RPS3: variants seen among roughly 807,000 people sequenced by gnomAD.
RPS3 encodes small ribosomal subunit protein uS3.
Under a neutral mutation model 25.8 loss-of-function variants are expected in RPS3, and 2 were observed. The ratio of observed to expected loss-of-function variants is 0.08; its 90% CI spans 0.03 to 0.24. The LOEUF is 0.24. Among genes scored for constraint, RPS3 ranks in the 10% least tolerant of loss-of-function variants. The pLI, the probability that RPS3 is intolerant of heterozygous loss-of-function variation, is 1.00. For synonymous variants in RPS3, 114 were observed against 114.2 expected (o/e 1.00, Z 0.01); for missense variants, 107 against 307.1 (o/e 0.35, Z 4.87).
Position 75,415,737 on chromosome 11 carries a change from C to T in RPS3, c.*4-5990C>T, listed in dbSNP as rs570761513. Among the ~76,000 whole-genome samples, 85 of 147,332 alleles carry T rather than the reference C, an allele frequency of 5.8e-4. 1 individual carries two copies. The East Asian group carries it at 5.8e-3, about 10-fold the overall frequency. On this transcript the variant is annotated intron_variant, in intron 6 of 6. Transcript: ENST00000527446. ...GGGAAAATCTCTTGAACCTGGGAGG[C>T]AGAGGTTGCGGTGAGCCGATATCGT... is the stretch of plus-strand genomic sequence containing the variant.
Position 75,404,918 on chromosome 11 carries a change from A to C in RPS3, c.*3+50A>C. 1 of 1,272,796 alleles carries C rather than the reference A, an allele frequency of 7.9e-7. No individual in the cohort carries two copies. Among genetic ancestry groups the C allele is most frequent in the Non-Finnish European group, 1.1e-6 (1 of 920,674 alleles). The allele number at this position is 1,272,796 out of a possible 1,614,324, so 78.8% of individuals were successfully genotyped here. On this transcript the variant is annotated intron_variant, in intron 6 of 6. Coordinates refer to ENST00000531188, the MANE Select transcript of RPS3 (RefSeq NM_001005.5). This position sits in a 1 kb window ranked among gnomAD's most constrained non-coding sequence, Gnocchi z 4.6. ...CTTGGGGCATAATAGGGTCCTTCCG[A>C]GTCTTTCTGTTAATACTTGTATCCC...
Position 75,400,167 on chromosome 11 carries a change from C to A in RPS3, c.31-527C>A, listed in dbSNP as rs529439726. ...GATGTCAAAATTAAATCCACAACTT[C>A]TCGAGAGTTAGGATTTGCCAGCTCT... On this transcript the variant is annotated intron_variant, in intron 1 of 6. Coordinates refer to ENST00000531188, the MANE Select transcript of RPS3 (RefSeq NM_001005.5). Among the ~76,000 whole-genome samples, 44 of 152,322 alleles carry A rather than the reference C, an allele frequency of 2.9e-4. No individual in the cohort carries two copies. The South Asian group carries it at 8.7e-3, about 30-fold the overall frequency.
rs781630287 is a variant in RPS3, at chr11:75,404,540, C to T, written c.539-132C>T. ...TGGCAGAAGTGTCCTATTTATTGATCGATTTAGAGGCATTTGTCTGAGAAG... is the reference window on the plus strand; with the variant it reads ...TGGCAGAAGTGTCCTATTTATTGATTGATTTAGAGGCATTTGTCTGAGAAG... On this transcript the variant is annotated intron_variant, in intron 5 of 6. Transcript: ENST00000531188. The surrounding 1 kb of genome is among the most constrained non-coding windows in gnomAD (Gnocchi z 4.6). 15 of 892,134 alleles carry T rather than the reference C, an allele frequency of 1.7e-5. No homozygotes were observed. Among genetic ancestry groups the T allele is most frequent in the Middle Eastern group, 2.1e-4 (1 of 4,704 alleles). 55.3% of individuals were successfully genotyped at this position (892,134 alleles called of 1,614,324 possible).
At chr11:75,415,181 G>A (rs1038018893) in intron 6 of RPS3, among the ~76,000 whole-genome samples, 2 of 152,224 alleles carry the variant, frequency 1.3e-5, no homozygotes, top group African/African-American at 4.8e-5. Flanking sequence ...GAGATGCGGG[G>A]AGAAGCTGAG....
rs1253693028 is a variant in RPS3, at chr11:75,404,401, GT to G, written c.538+198del. 1 of 789,402 alleles carries G rather than the reference GT, an allele frequency of 1.3e-6. No homozygotes were observed. 48.9% of individuals were successfully genotyped at this position (789,402 alleles called of 1,614,324 possible). ...CAGATCCAAGAGTTGGTTTGTCCTT[GT>G]TTTAGCCATCTGTGTACCCTTCAGT... On this transcript the variant is annotated intron_variant, in intron 5 of 6. Transcript: ENST00000531188. The surrounding 1 kb of genome is among the most constrained non-coding windows in gnomAD (Gnocchi z 4.6).
chr11:75,417,263 G>C (rs934043222), intron 6 of RPS3, among the ~76,000 whole-genome samples: 3 of 151,846 alleles, frequency 2.0e-5, no homozygotes, highest in Non-Finnish European at 4.4e-5. Context: ...TGAGCTTAGG[G>C]GTTCAAGATC....
At chr11:75,401,323 T>TG (rs1468804495) in intron 2 of RPS3, among the ~76,000 whole-genome samples, 1 of 152,094 alleles carries the variant, frequency 6.6e-6, no homozygotes, top group Non-Finnish European at 1.5e-5. Flanking sequence ...CGGGGCAACA[T>TG]GGGGAAACCC....
At chr11:75,416,572 C>T (rs779257549) in intron 6 of RPS3, among the ~76,000 whole-genome samples, 16 of 151,072 alleles carry the variant, frequency 1.1e-4, no homozygotes, top group Non-Finnish European at 2.2e-4. Context: ...GATTCTCATG[C>T]CTCAGCCTCC....
intron 3 of RPS3, chr11:75,401,955 A>G: frequency 3.5e-6 from 2 of 571,750 alleles, no homozygotes; most frequent in South Asian, 4.4e-5. Flanking sequence ...GATGCATATG[A>G]TGGATTAACT....
downstream of RPS3, among the ~76,000 whole-genome samples, chr11:75,410,112 G>T (rs1482647657): frequency 1.4e-4 from 20 of 146,012 alleles, no homozygotes; most frequent in East Asian, 4.1e-3. Context: ...CTGGCCGGGC[G>T]GGGGGCTGAC....
At chr11:75,402,256 T>TG in intron 3 of RPS3, 96 bp from the exon 4 acceptor site, 6 of 1,576,770 alleles carry the variant, frequency 3.8e-6, no homozygotes, top group Non-Finnish European at 4.3e-6. Flanking sequence ...GCAAGCTTGG[T>TG]GTAGAAAGTG....
chr11:75,418,145 C>T (rs1207779401), intron 6 of RPS3, among the ~76,000 whole-genome samples: 1 of 152,256 alleles, frequency 6.6e-6, no homozygotes, highest in Non-Finnish European at 1.5e-5. Flanking sequence ...TTTGGCTCTG[C>T]TTTCATTCCA....
At chr11:75,410,566 T>G (rs1198702003), downstream of RPS3, among the ~76,000 whole-genome samples, 1 of 151,978 alleles carries the variant, frequency 6.6e-6, no homozygotes, top group African/African-American at 2.4e-5. Flanking sequence ...GCAGAGACGC[T>G]CCTCACTTCC....
intron 1 of RPS3, 157 bp from the exon 2 acceptor site, chr11:75,400,537 G>T (rs777219136): frequency 2.0e-6 from 2 of 1,017,980 alleles, no homozygotes; most frequent in South Asian, 2.5e-5. Context: ...TGTCTGAGAA[G>T]GGTTGCTGCA....
chr11:75,416,763 T>A (rs1199757017), intron 6 of RPS3, among the ~76,000 whole-genome samples: 1 of 152,210 alleles, frequency 6.6e-6, no homozygotes, highest in Non-Finnish European at 1.5e-5. Context: ...ATTTCTGAGA[T>A]CTGATGTTGC....
chr11:75,411,110 T>C (rs746317690), downstream of RPS3, among the ~76,000 whole-genome samples: 3 of 152,106 alleles, frequency 2.0e-5, no homozygotes, highest in Admixed American at 2.0e-4. Context: ...TCTCTTGACC[T>C]CGTGATCTGC....
At chr11:75,402,530 T>C in intron 4 of RPS3, 84 bp downstream of exon 4, 1 of 1,426,954 alleles carries the variant, frequency 7.0e-7, no homozygotes, top group Non-Finnish European at 9.7e-7. Flanking sequence ...GCAGATGAAC[T>C]GTTACAAAGT....
downstream of RPS3, among the ~76,000 whole-genome samples, chr11:75,410,136 C>A (rs1184638740): frequency 6.7e-6 from 1 of 148,984 alleles, no homozygotes; most frequent in African/African-American, 2.5e-5. Context: ...ACACCTCCCT[C>A]CCGGACGGGG....
chr11:75,410,061 C>T (rs867723139), downstream of RPS3, among the ~76,000 whole-genome samples: 4 of 129,880 alleles, frequency 3.1e-5, no homozygotes, highest in East Asian at 4.7e-4. Context: ...GCTGGCCAGG[C>T]GGGGGGCTGA....
Sources: allele counts gnomAD v4.1 joint callset (sites outside exome capture counted in the v4.1 genomes callset), GRCh38; gene constraint gnomAD v4.1.1; non-coding constraint Gnocchi (gnomAD v3.1); transcripts MANE v1.5; gene names NCBI Gene and HGNC (gene_info 2026-07-23, HGNC 2026-07-21).